ZNF90: variants seen among roughly 807,000 people sequenced by gnomAD.
The protein encoded by ZNF90 is zinc finger protein HTF9.
Under a neutral mutation model 12.0 loss-of-function variants are expected in ZNF90, and 11 were observed. That is an observed-to-expected ratio of 0.92 (90% CI 0.58 to 1.52). ZNF90 has a LOEUF of 1.52. Ranked by LOEUF, ZNF90 falls within the 40% of genes most tolerant of loss-of-function variation. The pLI is 0.00. For synonymous variants in ZNF90, 232 were observed against 240.1 expected, an observed-to-expected ratio of 0.97 and a Z score of 0.31; for missense variants, 765 against 711.5, an observed-to-expected ratio of 1.08 and a Z score of -0.86.
In ZNF90 at chr19:20,118,982, T is replaced by C. The variant is rs143469218; in HGVS notation, c.1428T>C (p.Thr476=). Reference sequence around the variant, plus strand: ...TTACTACACATAAGATAAGTCATACTGAAGAGAAACTCTACAAATGTCAAG... The same window carrying C: ...TTACTACACATAAGATAAGTCATACCGAAGAGAAACTCTACAAATGTCAAG... ...SNLTTHKISH[T]EEKLYKCQEC... The change falls in exon 4 of 4, where the codon ACT becomes ACC. Residue 476 remains threonine, a synonymous_variant. Transcript: ENST00000418063. 1.1e-5 allele frequency: 17 copies of C among 1,609,814 alleles called. No individual in the cohort carries two copies. The East Asian group carries it at 3.6e-4, about 34-fold the overall frequency.
Position 20,080,304 on chromosome 19 carries a change from G to A in ZNF90, c.3+2169G>A, listed in dbSNP as rs187955688. On this transcript the variant is annotated intron_variant, in intron 1 of 3. Transcript: ENST00000418063. ...TATTAGATGTATTGTAGACAACATG[G>A]ACGATCCTTGTTTTACCAGTACAAC... The A allele has an allele frequency of 1.7e-5, 9 of 544,702 alleles. No homozygotes were observed. In the Admixed American group the frequency reaches 2.0e-4, roughly 12 times the overall value. 33.7% of individuals were successfully genotyped at this position (544,702 alleles called of 1,614,324 possible).
chr19:20,115,415 CTG>C (rs1491269614), intron 3 of ZNF90, among the ~76,000 whole-genome samples: 3 of 124,242 alleles, frequency 2.4e-5, no homozygotes, highest in African/African-American at 1.1e-4. Flanking sequence ...ATTTTCCTTT[CTG>C]TTTTTTTTTT....
At chr19:20,117,433 C>CCTTCCTTCCT (rs2089149788) in intron 3 of ZNF90, 1 of 99,986 alleles carries the variant, frequency 1.0e-5, no homozygotes, top group Non-Finnish European at 1.8e-5. Context: ...TCTTCCTTCC[C>CCTTCCTTCCT]TCCTTCCCTC....
At chr19:20,088,208 G>A (rs2088875181) in intron 1 of ZNF90, among the ~76,000 whole-genome samples, 1 of 151,886 alleles carries the variant, frequency 6.6e-6, no homozygotes. Flanking sequence ...AAAAATTTTT[G>A]GGGGGTGGTA....
chr19:20,090,621 C>T (rs2088894809), intron 1 of ZNF90, among the ~76,000 whole-genome samples: 1 of 152,178 alleles, frequency 6.6e-6, no homozygotes, highest in South Asian at 2.1e-4. Flanking sequence ...GCTAGGTTGT[C>T]TTCATATGGC....
chr19:20,101,241 C>T (rs1555703846), intron 1 of ZNF90, among the ~76,000 whole-genome samples: 1 of 152,220 alleles, frequency 6.6e-6, no homozygotes, highest in African/African-American at 2.4e-5. Context: ...CCTAACTGCA[C>T]TGAACACTAG....
chr19:20,105,200 T>G (rs1555704263), intron 2 of ZNF90, 21 bp from the exon 3 acceptor site: 2 of 1,568,920 alleles, frequency 1.3e-6, no homozygotes, highest in Non-Finnish European at 1.7e-6. Context: ...AGATTCATGT[T>G]ATTTATTTTT....
rs373668904 is a variant in ZNF90 at position 20,117,907 on chromosome 19, A to G, written c.353A>G (p.Glu118Gly). 7 of 1,612,710 alleles carry G rather than the reference A, an allele frequency of 4.3e-6. No homozygotes were observed. In the African/African-American group the frequency reaches 6.7e-5, roughly 15 times the overall value. The change falls in exon 4 of 4, where the codon GAA becomes GGA. Residue 118 changes from glutamate to glycine, a missense_variant. Physicochemically the swap from Glu to Gly is moderately conservative, Grantham distance 98. Coordinates refer to ENST00000418063, the MANE Select transcript of ZNF90 (RefSeq NM_007138.2). ...AATTTAGAGTTAAAAAAAGGTTGTG[A>G]AAGTGTGGATGAGGGTAAAGTACAC... ...YGNLELKKGCESVDEGKVHKR... is the reference protein window; with the variant it reads ...YGNLELKKGCGSVDEGKVHKR...
chr19:20,102,661 A>G (rs2088998865), intron 1 of ZNF90, among the ~76,000 whole-genome samples: 1 of 152,176 alleles, frequency 6.6e-6, no homozygotes, highest in African/African-American at 2.4e-5. Context: ...TTTCCTTTGT[A>G]GCTGTTGAAC....
intron 3 of ZNF90, among the ~76,000 whole-genome samples, chr19:20,112,370 G>A (rs2089097483): frequency 6.6e-6 from 1 of 151,846 alleles, no homozygotes; most frequent in Admixed American, 6.6e-5. Context: ...CACCCAGGCT[G>A]GAGTGGCATG....
At chr19:20,105,504 A>C (rs560073681) in intron 3 of ZNF90, among the ~76,000 whole-genome samples, 188 bp downstream of exon 3, 75 of 152,282 alleles carry the variant, frequency 4.9e-4, no homozygotes, top group Middle Eastern at 6.8e-3. Flanking sequence ...TATGCTTTTA[A>C]ATTTTCTAAG....
At chr19:20,088,723 C>T (rs1183860563) in intron 1 of ZNF90, among the ~76,000 whole-genome samples, 1 of 152,114 alleles carries the variant, frequency 6.6e-6, no homozygotes, top group Non-Finnish European at 1.5e-5. Flanking sequence ...CAACTTGGGC[C>T]TGGAGGACTG....
chr19:20,103,156 G>T (rs78208205), intron 1 of ZNF90, among the ~76,000 whole-genome samples: 5,039 of 152,276 alleles, frequency 0.033, 266 homozygotes, highest in East Asian at 0.23. Flanking sequence ...TGAAGGCCCA[G>T]AGCTCTGGGA....
chr19:20,108,727 T>TTC (rs540250815), intron 3 of ZNF90, among the ~76,000 whole-genome samples: 1,762 of 99,912 alleles, frequency 0.018, 26 homozygotes, highest in Middle Eastern at 0.033. Flanking sequence ...CAGTGTAGGT[T>TTC]TCTCTTTTTT....
chr19:20,096,714 A>G (rs1599645322), intron 1 of ZNF90, among the ~76,000 whole-genome samples: 1 of 152,104 alleles, frequency 6.6e-6, no homozygotes, highest in Admixed American at 6.5e-5. Flanking sequence ...GTTACTTCAG[A>G]CCATCTGGGC....
intron 3 of ZNF90, chr19:20,106,851 T>G: frequency 6.6e-6 from 3 of 454,258 alleles, no homozygotes; most frequent in Non-Finnish European, 8.8e-6. Flanking sequence ...GGGTTGTAGC[T>G]TGGTCACAAG....
At chr19:20,083,272 T>C (rs10409169) in intron 1 of ZNF90, among the ~76,000 whole-genome samples, 14,658 of 152,164 alleles carry the variant, frequency 0.096, 1,251 homozygotes, top group East Asian at 0.24. Context: ...TGAGAAATAC[T>C]CACAGGTGTG....
At chr19:20,106,131 A>G (rs1467313746) in intron 3 of ZNF90, among the ~76,000 whole-genome samples, 1 of 144,194 alleles carries the variant, frequency 6.9e-6, no homozygotes, top group East Asian at 2.0e-4. Flanking sequence ...TGCTATAGTA[A>G]ATAAGATTTT....
intron 3 of ZNF90, among the ~76,000 whole-genome samples, chr19:20,108,019 A>T (rs1725927): frequency 0.28 from 42,710 of 151,856 alleles, 6,472 homozygotes; most frequent in East Asian, 0.48. Flanking sequence ...CTGGAAAAAA[A>T]ATATATATTT....
Sources: gnomAD v4.1 joint callset for allele counts (sites outside exome capture counted in the v4.1 genomes callset) on GRCh38, gnomAD v4.1.1 for gene constraint, MANE v1.5 for transcripts, NCBI Gene and HGNC (gene_info 2026-07-23, HGNC 2026-07-21) for gene names.